MRPS28: variants seen among roughly 807,000 people sequenced by gnomAD.
MRPS28 encodes small ribosomal subunit protein bS1m.
A neutral mutation model predicts 10.8 loss-of-function variants in MRPS28; 7 were observed. The observed-to-expected ratio is 0.65, with a 90% confidence interval of 0.37 to 1.22. The LOEUF (loss-of-function observed/expected upper bound fraction) is 1.22. MRPS28 is among the 50% of genes most tolerant of loss of function. The pLI, the probability that MRPS28 is intolerant of heterozygous loss-of-function variation, is 0.02. For missense variants in MRPS28, 265 were observed against 232.9 expected (o/e 1.14, Z -0.90); for synonymous variants, 121 against 93.3 (o/e 1.30, Z -1.71).
intron 2 of MRPS28, among the ~76,000 whole-genome samples, chr8:79,927,481 T>TA (rs59361977): frequency 6.6e-6 from 1 of 151,888 alleles, no homozygotes; most frequent in Non-Finnish European, 1.5e-5. Flanking sequence ...AGAAAACTTC[T>TA]AAAAAATTTG....
At chr8:80,024,481 G>T (rs1809449919) in intron 1 of MRPS28, among the ~76,000 whole-genome samples, 2 of 152,130 alleles carry the variant, frequency 1.3e-5, no homozygotes, top group South Asian at 4.1e-4. Context: ...CATTGCTCTT[G>T]ATTAAATTCC....
chr8:79,983,657 T>C (rs1246998059), intron 2 of MRPS28, among the ~76,000 whole-genome samples: 2 of 152,016 alleles, frequency 1.3e-5, no homozygotes, highest in Non-Finnish European at 1.5e-5. Flanking sequence ...TGCGATCAAC[T>C]GGAAGAAAGG....
At chr8:79,995,579 A>T (rs1277065266) in intron 2 of MRPS28, among the ~76,000 whole-genome samples, 1 of 152,202 alleles carries the variant, frequency 6.6e-6, no homozygotes, top group Non-Finnish European at 1.5e-5. Context: ...CTGATATGTG[A>T]CAATCCCTAT....
intron 2 of MRPS28, among the ~76,000 whole-genome samples, chr8:79,979,920 A>AC (rs1441288693): frequency 7.4e-6 from 1 of 134,320 alleles, no homozygotes; most frequent in Non-Finnish European, 1.6e-5. Flanking sequence ...TCACGCAAAA[A>AC]AAAAAAAAAA....
At chr8:79,975,288 C>A (rs548566297) in intron 2 of MRPS28, among the ~76,000 whole-genome samples, 6 of 152,122 alleles carry the variant, frequency 3.9e-5, no homozygotes, top group South Asian at 4.1e-4. Context: ...CAGAGCAAGA[C>A]CCTGCCTTGG....
chr8:79,930,354 C>T (rs1806430504), intron 2 of MRPS28, among the ~76,000 whole-genome samples: 1 of 152,232 alleles, frequency 6.6e-6, no homozygotes, highest in South Asian at 2.1e-4. Flanking sequence ...TCTTTAATCT[C>T]TGTCAGTGTT....
At chr8:80,001,570 C>T (rs1808661209) in intron 2 of MRPS28, among the ~76,000 whole-genome samples, 1 of 152,172 alleles carries the variant, frequency 6.6e-6, no homozygotes, top group Non-Finnish European at 1.5e-5. Flanking sequence ...AATTGAATTC[C>T]TTCAGTAGCC....
At chr8:79,951,129 C>T (rs1807068665) in intron 2 of MRPS28, among the ~76,000 whole-genome samples, 1 of 152,172 alleles carries the variant, frequency 6.6e-6, no homozygotes, top group African/African-American at 2.4e-5. Context: ...GTTTATTAAT[C>T]TGTGGTCACT....
chr8:80,000,949 C>T (rs1251298386), intron 2 of MRPS28, among the ~76,000 whole-genome samples: 2 of 151,956 alleles, frequency 1.3e-5, no homozygotes, highest in Non-Finnish European at 2.9e-5. Context: ...AAGAACAGTG[C>T]CGACAAAAGA....
chr8:79,925,275 A>G (rs944356489), intron 2 of MRPS28, among the ~76,000 whole-genome samples: 1 of 152,174 alleles, frequency 6.6e-6, no homozygotes, highest in African/African-American at 2.4e-5. Flanking sequence ...TCACTTAAAA[A>G]TACTATCTAG....
At chr8:79,943,157 C>T (rs1344159671) in intron 2 of MRPS28, among the ~76,000 whole-genome samples, 1 of 152,188 alleles carries the variant, frequency 6.6e-6, no homozygotes, top group Non-Finnish European at 1.5e-5. Flanking sequence ...AATCCTACAC[C>T]AATATATAAA....
At chr8:79,953,177 C>T (rs894985705) in intron 2 of MRPS28, among the ~76,000 whole-genome samples, 48 of 152,044 alleles carry the variant, frequency 3.2e-4, no homozygotes, top group African/African-American at 1.0e-3. Flanking sequence ...AGGCTGCAGC[C>T]GTTTTCTCTC....
At chr8:79,937,800 T>C (rs148032037) in intron 2 of MRPS28, among the ~76,000 whole-genome samples, 16 of 152,348 alleles carry the variant, frequency 1.1e-4, no homozygotes, top group African/African-American at 3.6e-4. Flanking sequence ...ACTTTGTATA[T>C]GTTTGTAAAG....
intron 1 of MRPS28, among the ~76,000 whole-genome samples, chr8:80,006,232 G>C (rs1808839939): frequency 6.6e-6 from 1 of 152,132 alleles, no homozygotes; most frequent in African/African-American, 2.4e-5. Flanking sequence ...CACGTAGTTG[G>C]AAGTAAAGCA....
chr8:80,018,745 T>C (rs983881543), intron 1 of MRPS28, among the ~76,000 whole-genome samples: 1 of 152,186 alleles, frequency 6.6e-6, no homozygotes, highest in African/African-American at 2.4e-5. Context: ...GCAACCTAAG[T>C]GCCCATCAAC....
intron 1 of MRPS28, among the ~76,000 whole-genome samples, chr8:80,006,402 C>T (rs79311456): frequency 0.012 from 1,749 of 151,284 alleles, 75 homozygotes; most frequent in East Asian, 0.091. Flanking sequence ...ACAAAATGAA[C>T]GCAGAAATAA....
At position 79,918,853 on chromosome 8, in the gene MRPS28, A is replaced by G. The variant is rs1346268265; in HGVS notation, c.*127T>C. On this transcript the variant is annotated 3_prime_UTR_variant, in exon 3 of 3. Transcript: ENST00000276585. ...TATTGCTAAAGAAAATTCTAATAAG[A>G]GTTATCTATAATTATAGCTTTTATT... The G allele has an allele frequency of 3.0e-6, 2 of 677,678 alleles. No individual in the cohort carries two copies. The highest frequency in any genetic ancestry group is 1.9e-5 in the African/African-American group (1 of 53,712). The allele number at this position is 677,678 out of a possible 1,614,324, so 42.0% of individuals were successfully genotyped here.
chr8:79,942,569 A>G (rs1269540926), intron 2 of MRPS28, among the ~76,000 whole-genome samples: 1 of 152,210 alleles, frequency 6.6e-6, no homozygotes. Context: ...CTATAAATAA[A>G]GCTGAGAAGT....
chr8:79,988,295 A>C (rs1206157959), intron 2 of MRPS28, among the ~76,000 whole-genome samples: 2 of 118,718 alleles, frequency 1.7e-5, no homozygotes. Flanking sequence ...GGGGGGAGGG[A>C]TAGCTTTAGG....
Sources: allele counts gnomAD v4.1 joint callset (sites outside exome capture counted in the v4.1 genomes callset), GRCh38; gene constraint gnomAD v4.1.1; transcripts MANE v1.5; gene names NCBI Gene and HGNC (gene_info 2026-07-23, HGNC 2026-07-21).